CSMD1: variants seen among roughly 807,000 people sequenced by gnomAD.
CSMD1 encodes the protein CUB and Sushi multiple domains 1.
Under a neutral mutation model 417.5 loss-of-function variants are expected in CSMD1, and 213 were observed. That is an observed-to-expected ratio of 0.51 (90% confidence interval 0.46 to 0.57). The LOEUF is 0.57. Ranked by LOEUF, CSMD1 falls within the 20% of genes least tolerant of loss-of-function variation. CSMD1 has a pLI of 0.00. For synonymous variants in CSMD1, 2,862 were observed against 1,736.8 expected (o/e 1.65, Z -16.11); for missense variants, 6,923 against 4,529.7 (o/e 1.53, Z -15.17).
chr8:4,750,276 G>T (rs979748614), intron 1 of CSMD1, among the ~76,000 whole-genome samples: 5 of 152,090 alleles, frequency 3.3e-5, no homozygotes, highest in African/African-American at 1.2e-4. Context: ...CACAGTGCTG[G>T]GATTACAGGG....
intron 2 of CSMD1, among the ~76,000 whole-genome samples, chr8:4,514,614 T>A (rs1803016332): frequency 1.3e-5 from 2 of 152,284 alleles, no homozygotes; most frequent in South Asian, 4.1e-4. Context: ...TATCTTGGTT[T>A]TTAAAGTTTT....
intron 5 of CSMD1, among the ~76,000 whole-genome samples, chr8:3,964,178 A>C (rs17068237): frequency 0.015 from 2,295 of 152,304 alleles, 52 homozygotes; most frequent in African/African-American, 0.052. Flanking sequence ...TTAACAAGTA[A>C]ACATTAAAGG....
intron 3 of CSMD1, among the ~76,000 whole-genome samples, chr8:4,153,054 A>C (rs555421815): frequency 6.6e-6 from 1 of 152,160 alleles, no homozygotes; most frequent in Non-Finnish European, 1.5e-5. Context: ...ACGTGTTATT[A>C]ACAGTTTTTG....
At chr8:4,852,431 C>T (rs1166014852) in intron 1 of CSMD1, among the ~76,000 whole-genome samples, 1 of 152,078 alleles carries the variant, frequency 6.6e-6, no homozygotes, top group Non-Finnish European at 1.5e-5. Context: ...ACTGTCTGCC[C>T]CTTTCACTTC....
intron 26 of CSMD1, among the ~76,000 whole-genome samples, chr8:3,265,513 G>A (rs867386180): frequency 6.6e-6 from 1 of 152,178 alleles, no homozygotes; most frequent in African/African-American, 2.4e-5. Flanking sequence ...AGGGGCTGGA[G>A]AAGGGAGTGA....
chr8:3,391,072 C>A (rs1051236942), intron 17 of CSMD1, among the ~76,000 whole-genome samples: 4 of 152,180 alleles, frequency 2.6e-5, no homozygotes, highest in African/African-American at 9.7e-5. Flanking sequence ...TGTTAGCATG[C>A]ATGGGCATGT....
At chr8:4,050,795 C>T (rs2554547) in intron 3 of CSMD1, among the ~76,000 whole-genome samples, 131,681 of 152,122 alleles carry the variant, frequency 0.87, 57,107 homozygotes, top group South Asian at 0.93. Flanking sequence ...GTCCCTGAAA[C>T]GGTGAATTTA....
At chr8:3,709,685 T>TTTTTTTTTTTTTTTTTTTTTTTC (rs1801391311) in intron 6 of CSMD1, among the ~76,000 whole-genome samples, 1 of 110,152 alleles carries the variant, frequency 9.1e-6, no homozygotes, top group Non-Finnish European at 2.0e-5. Context: ...AGCATGTTTT[T>TTTTTTTTTTTTTTTTTTTTTTTC]TTTTTTTTTT....
At chr8:4,824,089 C>G (rs980416244) in intron 1 of CSMD1, among the ~76,000 whole-genome samples, 125 of 149,956 alleles carry the variant, frequency 8.3e-4, no homozygotes, top group African/African-American at 3.0e-3. Flanking sequence ...TATCCACACA[C>G]ACACACACAC....
intron 1 of CSMD1, among the ~76,000 whole-genome samples, chr8:4,973,519 T>C (rs929828942): frequency 2.0e-5 from 3 of 152,158 alleles, no homozygotes; most frequent in Admixed American, 6.5e-5. Context: ...TTGAATTCTA[T>C]AGAATCCTAC....
Position 4,460,149 on chromosome 8 carries a change from A to G in CSMD1, c.303-40084T>C, listed in dbSNP as rs143678478. Among the ~76,000 whole-genome samples the G allele has an allele frequency of 7.4e-4, 113 of 152,346 alleles. 1 individual carries two copies. The East Asian group carries it at 0.02, about 27-fold the overall frequency. ...TTTCAGTTTATTTAAAATGAGTGAA[A>G]TTATATAAATAAATTATCTGAGCTC... On this transcript the variant is annotated intron_variant, in intron 2 of 69. Coordinates refer to ENST00000635120, the MANE Select transcript of CSMD1 (RefSeq NM_033225.6).
intron 3 of CSMD1, among the ~76,000 whole-genome samples, chr8:4,146,185 G>A (rs1013094827): frequency 9.3e-5 from 14 of 150,780 alleles, no homozygotes; most frequent in Non-Finnish European, 5.9e-5. Flanking sequence ...TGGCCAAGTC[G>A]ATTCTCAAAA....
intron 5 of CSMD1, among the ~76,000 whole-genome samples, chr8:3,972,664 G>C (rs1009548515): frequency 6.6e-6 from 1 of 152,186 alleles, no homozygotes; most frequent in Non-Finnish European, 1.5e-5. Context: ...AATAGTAACA[G>C]ATTATGACCA....
At chr8:3,909,921 C>T (rs1808351475) in intron 5 of CSMD1, among the ~76,000 whole-genome samples, 1 of 152,104 alleles carries the variant, frequency 6.6e-6, no homozygotes, top group African/African-American at 2.4e-5. Context: ...TGCTTGGACT[C>T]TAATTAGACA....
At chr8:3,331,665 A>T (rs971948641) in intron 23 of CSMD1, among the ~76,000 whole-genome samples, 3 of 152,204 alleles carry the variant, frequency 2.0e-5, no homozygotes. Flanking sequence ...TATATTATCC[A>T]ATATTTCTCT....
chr8:4,904,126 C>T (rs997907055), intron 1 of CSMD1, among the ~76,000 whole-genome samples: 1 of 152,068 alleles, frequency 6.6e-6, no homozygotes, highest in Admixed American at 6.6e-5. Context: ...ATGTTAGAAT[C>T]ATTTCTGGAG....
At chr8:4,871,875 G>C (rs1174526444) in intron 1 of CSMD1, among the ~76,000 whole-genome samples, 1 of 152,060 alleles carries the variant, frequency 6.6e-6, no homozygotes, top group East Asian at 1.9e-4. Context: ...GTCATTGCTT[G>C]ATGGATGACA....
chr8:4,226,138 G>A (rs989355864), intron 3 of CSMD1, among the ~76,000 whole-genome samples: 1 of 151,678 alleles, frequency 6.6e-6, no homozygotes, highest in African/African-American at 2.4e-5. Context: ...GCTAGCATGA[G>A]AGTTTCATTT....
chr8:4,294,042 G>A (rs556957752), intron 3 of CSMD1, among the ~76,000 whole-genome samples: 6 of 152,236 alleles, frequency 3.9e-5, no homozygotes, highest in African/African-American at 9.6e-5. Flanking sequence ...TCTTTATTGC[G>A]TGGTTCTCAA....
Sources: gnomAD v4.1 joint callset for allele counts (sites outside exome capture counted in the v4.1 genomes callset) on GRCh38, gnomAD v4.1.1 for gene constraint, MANE v1.5 for transcripts, NCBI Gene and HGNC (gene_info 2026-07-23, HGNC 2026-07-21) for gene names.